The following MAPK10 variants were observed in gnomAD, a reference collection of about 807,000 sequenced individuals.
MAPK10 encodes mitogen-activated protein kinase 10, also known as JNK3 alpha protein kinase.
In MAPK10, 25 loss-of-function variants were observed where a neutral mutation model predicts 59.3. The observed-to-expected ratio is 0.42, with a 90% CI of 0.31 to 0.59. MAPK10 has a LOEUF of 0.59. Ranked by LOEUF, MAPK10 falls within the 20% of genes least tolerant of loss-of-function variation. The pLI is 0.15. For synonymous variants in MAPK10, 190 were observed against 200.5 expected (o/e 0.95, Z 0.44); for missense variants, 351 against 568.9 (o/e 0.62, Z 3.90).
chr4:86,356,423 A>T, intron 1 of MAPK10: 1 of 542,182 alleles, frequency 1.8e-6, no homozygotes, highest in Non-Finnish European at 2.4e-6. Context: ...TCTACTTTTT[A>T]AACCTAAAAT....
At chr4:86,304,681 C>G (rs2095536000) in intron 2 of MAPK10, among the ~76,000 whole-genome samples, 1 of 152,040 alleles carries the variant, frequency 6.6e-6, no homozygotes, top group Non-Finnish European at 1.5e-5. Context: ...CGTGAGCCAC[C>G]GCGCCCAGCC....
intron 1 of MAPK10, among the ~76,000 whole-genome samples, chr4:86,518,737 A>C (rs1324105226): frequency 6.7e-6 from 1 of 150,226 alleles, no homozygotes; most frequent in Non-Finnish European, 1.5e-5. Context: ...TAGACTTTTT[A>C]ACGTAGGCAT....
chr4:86,464,625 T>C (rs1182741161), intron 1 of MAPK10, among the ~76,000 whole-genome samples: 3 of 152,018 alleles, frequency 2.0e-5, no homozygotes, highest in Non-Finnish European at 4.4e-5. Context: ...ATCAAGACCA[T>C]CCTGGCTAAC....
intron 1 of MAPK10, among the ~76,000 whole-genome samples, chr4:86,368,315 T>C (rs1738231685): frequency 6.6e-6 from 1 of 152,306 alleles, no homozygotes; most frequent in Admixed American, 6.5e-5. Flanking sequence ...ATTAATATCT[T>C]GCACTCATGT....
intron 2 of MAPK10, among the ~76,000 whole-genome samples, chr4:86,239,571 T>A (rs1400908417): frequency 6.6e-6 from 1 of 152,142 alleles, no homozygotes; most frequent in Non-Finnish European, 1.5e-5. Flanking sequence ...ACTGGTTTAG[T>A]CTTGGGAGGG....
intron 2 of MAPK10, among the ~76,000 whole-genome samples, chr4:86,217,545 A>G (rs910396187): frequency 6.6e-6 from 1 of 152,180 alleles, no homozygotes; most frequent in Admixed American, 6.5e-5. Context: ...CTCCTTGGTT[A>G]CTGCAAGAAA....
chr4:86,212,361 A>G (rs1421419775), intron 2 of MAPK10, among the ~76,000 whole-genome samples: 3 of 152,016 alleles, frequency 2.0e-5, no homozygotes, highest in African/African-American at 7.2e-5. Context: ...GTACAAAAAA[A>G]AAATTATAAA....
chr4:86,076,354 C>G (rs929992637), intron 9 of MAPK10, among the ~76,000 whole-genome samples: 27 of 152,228 alleles, frequency 1.8e-4, no homozygotes, highest in Admixed American at 1.6e-3. Flanking sequence ...CACCCATCTT[C>G]TGCGTCGCTC....
intron 2 of MAPK10, among the ~76,000 whole-genome samples, chr4:86,321,624 T>C (rs1340232561): frequency 6.8e-6 from 1 of 147,964 alleles, no homozygotes; most frequent in Non-Finnish European, 1.5e-5. Context: ...TTAGGAGATA[T>C]ACCTAATGCT....
intron 2 of MAPK10, among the ~76,000 whole-genome samples, chr4:86,321,690 C>G (rs1578218533): frequency 6.6e-6 from 1 of 151,278 alleles, no homozygotes; most frequent in East Asian, 1.9e-4. Context: ...ACATATGTAA[C>G]TAACCTGCAC....
intron 1 of MAPK10, among the ~76,000 whole-genome samples, chr4:86,541,001 A>T (rs1225126292): frequency 6.6e-6 from 1 of 152,202 alleles, no homozygotes; most frequent in Non-Finnish European, 1.5e-5. Context: ...AGCCACTTTC[A>T]GAATGCCCAC....
chr4:86,039,033 G>A (rs567227127), intron 11 of MAPK10, among the ~76,000 whole-genome samples: 3 of 152,254 alleles, frequency 2.0e-5, no homozygotes, highest in African/African-American at 7.2e-5. Context: ...CAGGAACTAT[G>A]TCTGTGTTCT....
At chr4:86,564,068 G>A (rs759451362) in intron 1 of MAPK10, among the ~76,000 whole-genome samples, 1 of 152,136 alleles carries the variant, frequency 6.6e-6, no homozygotes, top group African/African-American at 2.4e-5. Flanking sequence ...CTGACCTCAG[G>A]TGATCAGTCA....
chr4:86,401,266 A>C (rs997501577), intron 1 of MAPK10, among the ~76,000 whole-genome samples: 2 of 152,166 alleles, frequency 1.3e-5, no homozygotes, highest in African/African-American at 2.4e-5. Context: ...CAGAAACACA[A>C]GATGTGATAT....
intron 2 of MAPK10, among the ~76,000 whole-genome samples, chr4:86,312,078 G>A (rs1262735506): frequency 6.6e-6 from 1 of 152,028 alleles, no homozygotes; most frequent in Non-Finnish European, 1.5e-5. Context: ...TGTGCATTCT[G>A]TACTAATAAA....
intron 1 of MAPK10, among the ~76,000 whole-genome samples, chr4:86,423,776 T>TATATATATATATAG (rs1171271958): frequency 7.1e-6 from 1 of 141,340 alleles, no homozygotes; most frequent in African/African-American, 2.7e-5. Context: ...TATACATATA[T>TATATATATATATAG]ATATATATAT....
chr4:86,275,638 T>C (rs1319909859), intron 2 of MAPK10, among the ~76,000 whole-genome samples: 1 of 151,962 alleles, frequency 6.6e-6, no homozygotes, highest in African/African-American at 2.4e-5. Flanking sequence ...CTACTTTTCA[T>C]GGCCAAAAAA....
intron 1 of MAPK10, among the ~76,000 whole-genome samples, chr4:86,462,592 C>G (rs1482229584): frequency 6.6e-6 from 1 of 152,118 alleles, no homozygotes; most frequent in Non-Finnish European, 1.5e-5. Flanking sequence ...CAATTCAACC[C>G]GCTCAATTTA....
rs369325149 is a variant in MAPK10 at position 86,295,030 on chromosome 4, T to C, written c.-7+59500A>G. Among the ~76,000 whole-genome samples, 7 of 152,276 alleles carry C rather than the reference T, an allele frequency of 4.6e-5. No homozygotes were observed. In the East Asian group the frequency reaches 1.4e-3, roughly 29 times the overall value. ...CCTCAGAAGGGTATCACTCGCATGG[T>C]ACAGCTAAATAAGGCCTACATCAAA... On this transcript the variant is annotated intron_variant, in intron 2 of 13. Transcript: ENST00000641462.
Sources: allele counts gnomAD v4.1 joint callset (sites outside exome capture counted in the v4.1 genomes callset), GRCh38; gene constraint gnomAD v4.1.1; transcripts MANE v1.5; gene names NCBI Gene and HGNC (gene_info 2026-07-23, HGNC 2026-07-21).